KCNH5: variants seen among roughly 807,000 people sequenced by gnomAD.
KCNH5 encodes potassium voltage-gated channel subfamily H member 5.
KCNH5 carries 46 observed loss-of-function variants against 96.1 expected under a neutral mutation model. That is an observed-to-expected ratio of 0.48 (90% CI 0.38 to 0.61). KCNH5 has a LOEUF of 0.61. KCNH5 is among the 20% of genes least tolerant of loss of function. The pLI is 0.00. For missense variants in KCNH5, 907 were observed against 1,225.8 expected, an observed-to-expected ratio of 0.74 and a Z score of 3.88; for synonymous variants, 439 against 449.8, an observed-to-expected ratio of 0.98 and a Z score of 0.30.
At chr14:63,034,760 C>T (rs1299766953) in intron 1 of KCNH5, among the ~76,000 whole-genome samples, 1 of 152,160 alleles carries the variant, frequency 6.6e-6, no homozygotes, top group Non-Finnish European at 1.5e-5. Flanking sequence ...CATCCAGCTA[C>T]AGTGGTTCAA....
At chr14:62,713,083 G>A (rs1313620790) in intron 10 of KCNH5, among the ~76,000 whole-genome samples, 1 of 152,106 alleles carries the variant, frequency 6.6e-6, no homozygotes, top group East Asian at 1.9e-4. Context: ...TTTGCTAACT[G>A]CTATATCTCT....
At chr14:62,815,047 A>G (rs1347240592) in intron 8 of KCNH5, among the ~76,000 whole-genome samples, 2 of 152,192 alleles carry the variant, frequency 1.3e-5, no homozygotes, top group Non-Finnish European at 2.9e-5. Context: ...ATGTTGAAAT[A>G]GATAAATATT....
intron 9 of KCNH5, among the ~76,000 whole-genome samples, chr14:62,789,018 A>C (rs892397372): frequency 6.6e-6 from 1 of 152,020 alleles, no homozygotes; most frequent in Non-Finnish European, 1.5e-5. Flanking sequence ...TATACATTAG[A>C]TCTCTAAAAA....
rs543831528 is a variant in KCNH5, at chr14:62,699,807, T to C, written c.*7701A>G. On this transcript the variant is annotated 3_prime_UTR_variant, in exon 11 of 11. Coordinates refer to ENST00000322893, the MANE Select transcript of KCNH5 (RefSeq NM_139318.5). ...GTCAACAGTACATACAAAATTTCTA[T>C]ATTATACATTGCAGTATCTTTGTTT... is the stretch of plus-strand genomic sequence containing the variant. 5.9e-5 allele frequency: 9 copies of C among 152,310 alleles called. 1 individual carries two copies. Among genetic ancestry groups the C allele is most frequent in the Non-Finnish European group, 1.2e-4 (8 of 68,004 alleles). The allele number at this position is 152,310 out of a possible 1,614,324, so 9.4% of individuals were successfully genotyped here. A position where few individuals can be genotyped will look rare whatever the true frequency, so the allele number is the denominator to read the frequency against.
intron 3 of KCNH5, among the ~76,000 whole-genome samples, chr14:63,002,607 T>G (rs1359059122): frequency 1.3e-5 from 2 of 152,078 alleles, no homozygotes; most frequent in African/African-American, 4.8e-5. Flanking sequence ...AAGAACCGAA[T>G]AAGAAGCACT....
At chr14:63,015,737 A>G (rs1385931558) in intron 2 of KCNH5, among the ~76,000 whole-genome samples, 3 of 151,922 alleles carry the variant, frequency 2.0e-5, no homozygotes, top group Non-Finnish European at 4.4e-5. Context: ...GAACCCACAT[A>G]TATAAAAAGT....
intron 10 of KCNH5, among the ~76,000 whole-genome samples, chr14:62,744,820 C>G (rs1423813774): frequency 1.3e-5 from 2 of 152,124 alleles, no homozygotes; most frequent in African/African-American, 4.8e-5. Context: ...ATAGCTAAAA[C>G]AGCAGGAATT....
chr14:62,777,102 A>G (rs1776349359), intron 10 of KCNH5, among the ~76,000 whole-genome samples: 1 of 152,230 alleles, frequency 6.6e-6, no homozygotes, highest in African/African-American at 2.4e-5. Context: ...AATTTTTACA[A>G]TAATAGCAAT....
chr14:63,035,002 A>G (rs985466769), intron 1 of KCNH5, among the ~76,000 whole-genome samples: 6 of 152,230 alleles, frequency 3.9e-5, no homozygotes, highest in South Asian at 2.1e-4. Flanking sequence ...ACATCATAAT[A>G]CAACAGAAAA....
chr14:62,929,622 A>G (rs1022226624), intron 7 of KCNH5, among the ~76,000 whole-genome samples: 1 of 152,010 alleles, frequency 6.6e-6, no homozygotes. Context: ...TTTAATTATG[A>G]TATTTTTGAA....
chr14:62,790,412 G>A (rs1349079784), intron 9 of KCNH5, among the ~76,000 whole-genome samples: 3 of 151,646 alleles, frequency 2.0e-5, no homozygotes, highest in Non-Finnish European at 4.4e-5. Flanking sequence ...AAAAATTTGA[G>A]GATTGTGTTC....
chr14:62,958,078 C>T (rs370641907), intron 6 of KCNH5, among the ~76,000 whole-genome samples: 1 of 152,088 alleles, frequency 6.6e-6, no homozygotes, highest in Non-Finnish European at 1.5e-5. Flanking sequence ...ATATAGATAT[C>T]GCGTTAATAG....
chr14:62,896,338 A>G (rs1482603925), intron 7 of KCNH5, among the ~76,000 whole-genome samples: 13 of 152,190 alleles, frequency 8.5e-5, no homozygotes, highest in Admixed American at 8.5e-4. Flanking sequence ...TTTTCAGCAA[A>G]TTGCAGATAA....
intron 7 of KCNH5, among the ~76,000 whole-genome samples, chr14:62,919,900 G>A (rs973222988): frequency 6.6e-6 from 1 of 152,136 alleles, no homozygotes; most frequent in Non-Finnish European, 1.5e-5. Context: ...GAGAGAGAGA[G>A]AGGTCAGCGA....
intron 10 of KCNH5, among the ~76,000 whole-genome samples, chr14:62,757,714 AG>A (rs1225455923): frequency 2.6e-5 from 4 of 152,330 alleles, no homozygotes; most frequent in African/African-American, 4.8e-5. Context: ...TAGAAAGACA[AG>A]ATGTTCTCAC....
intron 6 of KCNH5, among the ~76,000 whole-genome samples, chr14:62,954,323 C>T (rs1485884624): frequency 6.6e-6 from 1 of 152,172 alleles, no homozygotes; most frequent in Non-Finnish European, 1.5e-5. Context: ...TGTTATCATA[C>T]AGTTTCTGCA....
intron 7 of KCNH5, among the ~76,000 whole-genome samples, chr14:62,855,138 T>C (rs1887903772): frequency 6.6e-6 from 1 of 151,916 alleles, no homozygotes; most frequent in African/African-American, 2.4e-5. Flanking sequence ...GAGGCCCACA[T>C]AGAGAAGAAT....
chr14:62,884,972 T>A (rs1888567517), intron 7 of KCNH5, among the ~76,000 whole-genome samples: 1 of 152,188 alleles, frequency 6.6e-6, no homozygotes, highest in South Asian at 2.1e-4. Flanking sequence ...GTTGTATAAC[T>A]TTATAGGATG....
intron 6 of KCNH5, among the ~76,000 whole-genome samples, chr14:62,960,075 C>T (rs1437724501): frequency 3.9e-5 from 6 of 152,166 alleles, no homozygotes; most frequent in Non-Finnish European, 7.4e-5. Flanking sequence ...CACTCTCCAT[C>T]CAATTTTCAA....
Sources: gnomAD v4.1 joint callset for allele counts (sites outside exome capture counted in the v4.1 genomes callset) on GRCh38, gnomAD v4.1.1 for gene constraint, MANE v1.5 for transcripts, NCBI Gene and HGNC (gene_info 2026-07-23, HGNC 2026-07-21) for gene names.